The following PIGK variants were observed in gnomAD, a reference collection of about 807,000 sequenced individuals.
PIGK encodes phosphatidylinositol glycan anchor biosynthesis class K.
A neutral mutation model predicts 50.6 loss-of-function variants in PIGK; 42 were observed. That is an observed-to-expected ratio of 0.83 (90% CI 0.65 to 1.07). The LOEUF is 1.07. Ranked by LOEUF, PIGK falls within the 50% of genes least tolerant of loss-of-function variation. The probability of loss-of-function intolerance (pLI) is 0.00; values close to 1 mark genes in which losing one functional copy is unlikely to be tolerated. For synonymous variants in PIGK, 151 were observed against 156.0 expected (o/e 0.97, Z 0.24); for missense variants, 448 against 488.7 (o/e 0.92, Z 0.78).
At chr1:77,152,100 T>C (rs1412651255) in intron 9 of PIGK, among the ~76,000 whole-genome samples, 1 of 152,066 alleles carries the variant, frequency 6.6e-6, no homozygotes, top group Non-Finnish European at 1.5e-5. Flanking sequence ...TGATTTCAAA[T>C]TATACTACAT....
chr1:77,091,536 A>AATT lies in PIGK; in HGVS notation c.*835_*837dup, dbSNP rs1653297939. ...GATGGAAAATGAAGAGGACGTGACCAATTGTAGAAGATCACAGAACGCTTA... is the reference window on the plus strand; with the variant it reads ...GATGGAAAATGAAGAGGACGTGACCAATTATTGTAGAAGATCACAGAACGCTTA... On this transcript the variant is annotated 3_prime_UTR_variant, in exon 11 of 11. Transcript: ENST00000370812. The AATT allele has an allele frequency of 6.6e-6, 1 of 152,224 alleles. No homozygotes were observed. Among genetic ancestry groups the AATT allele is most frequent in the African/African-American group, 2.4e-5 (1 of 41,452 alleles). The allele number at this position is 152,224 out of a possible 1,614,324, so 9.4% of individuals were successfully genotyped here.
At chr1:77,133,815 A>C (rs1654437436) in intron 9 of PIGK, among the ~76,000 whole-genome samples, 1 of 152,210 alleles carries the variant, frequency 6.6e-6, no homozygotes, top group African/African-American at 2.4e-5. Context: ...AGAGAGAGTA[A>C]GACTATAGAG....
intron 1 of PIGK, among the ~76,000 whole-genome samples, chr1:77,213,835 A>G (rs1656483621): frequency 6.6e-6 from 1 of 152,188 alleles, no homozygotes; most frequent in African/African-American, 2.4e-5. Context: ...AAATATATTC[A>G]GAAACAAAAA....
chr1:77,145,757 T>C (rs1425325524), intron 9 of PIGK, among the ~76,000 whole-genome samples: 1 of 150,224 alleles, frequency 6.7e-6, no homozygotes, highest in Admixed American at 6.6e-5. Context: ...ACCTTGAAAA[T>C]GAAAAAAAAA....
At chr1:77,171,545 G>GTCAATA (rs1557813255) in intron 3 of PIGK, among the ~76,000 whole-genome samples, 1 of 148,686 alleles carries the variant, frequency 6.7e-6, no homozygotes, top group Non-Finnish European at 1.5e-5. Flanking sequence ...GCTATATAAT[G>GTCAATA]TCAATATCAA....
At chr1:77,097,174 G>C (rs1043481246) in intron 10 of PIGK, among the ~76,000 whole-genome samples, 1 of 152,124 alleles carries the variant, frequency 6.6e-6, no homozygotes, top group African/African-American at 2.4e-5. Flanking sequence ...AGAACAGCAT[G>C]ACGGGCAGCA....
At chr1:77,164,586 A>C (rs1038625384) in intron 5 of PIGK, among the ~76,000 whole-genome samples, 2 of 152,142 alleles carry the variant, frequency 1.3e-5, no homozygotes, top group Non-Finnish European at 2.9e-5. Context: ...TCTTGGATAC[A>C]TGCAGCCCTG....
At chr1:77,174,124 C>A (rs529283263) in intron 3 of PIGK, among the ~76,000 whole-genome samples, 1 of 152,334 alleles carries the variant, frequency 6.6e-6, no homozygotes, top group African/African-American at 2.4e-5. Context: ...CGAGTCCTTT[C>A]TGGTTTGATA....
chr1:77,160,272 ATCT>A (rs1655104325), intron 8 of PIGK, among the ~76,000 whole-genome samples: 1 of 152,160 alleles, frequency 6.6e-6, no homozygotes, highest in South Asian at 2.1e-4. Flanking sequence ...GAGTCCATTA[ATCT>A]TCTTTTTCTT....
At chr1:77,213,478 G>A (rs1656471337) in intron 1 of PIGK, among the ~76,000 whole-genome samples, 1 of 152,046 alleles carries the variant, frequency 6.6e-6, no homozygotes, top group African/African-American at 2.4e-5. Context: ...ATGGGTCAAA[G>A]AAGAAATTAA....
intron 8 of PIGK, among the ~76,000 whole-genome samples, chr1:77,156,033 G>A (rs1655001268): frequency 1.3e-5 from 2 of 151,690 alleles, no homozygotes; most frequent in African/African-American, 2.4e-5. Flanking sequence ...CCCTATTCAG[G>A]AAAGCAGTAC....
At chr1:77,135,331 CTTAG>C (rs1286274356) in intron 9 of PIGK, among the ~76,000 whole-genome samples, 1 of 151,802 alleles carries the variant, frequency 6.6e-6, no homozygotes, top group Non-Finnish European at 1.5e-5. Context: ...TAAACCTTTA[CTTAG>C]TTATCTTGCT....
chr1:77,143,816 T>C (rs1314522210), intron 9 of PIGK, among the ~76,000 whole-genome samples: 2 of 152,076 alleles, frequency 1.3e-5, no homozygotes, highest in East Asian at 3.8e-4. Flanking sequence ...AAAGCAGAAT[T>C]GATAACCAGC....
chr1:77,154,633 TATA>T lies in PIGK; in HGVS notation c.814-15_814-13del. ...GGACATACCTGAAACTGAAAAAATA[TATA>T]ATAATAAATGCATGCATCCACACAC... On this transcript the variant is annotated splice_polypyrimidine_tract_variant and intron_variant, in intron 8 of 10. Transcript: ENST00000370812. 1.3e-6 allele frequency: 2 copies of T among 1,568,290 alleles called. No homozygotes were observed. Among genetic ancestry groups the T allele is most frequent in the Non-Finnish European group, 8.7e-7 (1 of 1,143,376 alleles).
chr1:77,207,494 C>T (rs954653137), intron 2 of PIGK, among the ~76,000 whole-genome samples: 1 of 152,054 alleles, frequency 6.6e-6, no homozygotes, highest in Non-Finnish European at 1.5e-5. Flanking sequence ...TAAAACATAA[C>T]ATATAAAACA....
intron 10 of PIGK, among the ~76,000 whole-genome samples, chr1:77,100,180 A>G (rs1653509984): frequency 6.6e-6 from 1 of 152,218 alleles, no homozygotes; most frequent in Non-Finnish European, 1.5e-5. Context: ...ATTGGGAAGC[A>G]AATGGAAAAT....
At chr1:77,136,276 TC>T (rs1654511360) in intron 9 of PIGK, among the ~76,000 whole-genome samples, 1 of 152,100 alleles carries the variant, frequency 6.6e-6, no homozygotes. Context: ...ACGCCTGTAA[TC>T]CCAGCACTTT....
At chr1:77,092,609 G>C in intron 10 of PIGK, 119 bp from the exon 11 acceptor site, 1 of 666,266 alleles carries the variant, frequency 1.5e-6, no homozygotes, top group Non-Finnish European at 2.7e-6. Flanking sequence ...GGACTAGTTA[G>C]TCAAATTAAA....
chr1:77,181,889 T>C (rs1286059770), intron 3 of PIGK, among the ~76,000 whole-genome samples: 2 of 152,222 alleles, frequency 1.3e-5, no homozygotes, highest in East Asian at 1.9e-4. Context: ...ATCTTCAAGT[T>C]AATAACTCTA....
Sources: allele counts gnomAD v4.1 joint callset (sites outside exome capture counted in the v4.1 genomes callset), GRCh38; gene constraint gnomAD v4.1.1; transcripts MANE v1.5; gene names NCBI Gene and HGNC (gene_info 2026-07-23, HGNC 2026-07-21).